The following INSR variants were observed in gnomAD, a reference collection of about 807,000 sequenced individuals.
The protein encoded by INSR is IR.
INSR carries 67 observed loss-of-function variants against 142.6 expected under a neutral mutation model. The ratio of observed to expected loss-of-function variants is 0.47; its 90% CI spans 0.39 to 0.58. The LOEUF (loss-of-function observed/expected upper bound fraction) is 0.58, where lower values mean the gene tolerates loss of function less well. Ranked by LOEUF, INSR falls within the 20% of genes least tolerant of loss-of-function variation. The pLI is 0.00. For synonymous variants in INSR, 756 were observed against 743.1 expected (o/e 1.02, Z -0.28); for missense variants, 1,248 against 1,833.2 (o/e 0.68, Z 5.83).
rs1599863540 is a variant in INSR at position 7,117,163 on chromosome 19, A to AGG, written c.4040_4041dup (p.Ser1348ProfsTer18). On this transcript the variant is annotated frameshift_variant, in exon 22 of 22. Transcript: ENST00000302850. LOFTEE classifies it low-confidence loss of function (END_TRUNC). Reference sequence around the variant, plus strand: ...TCGTAGCTCCGCTTGAAACCCAGCGAGGACCCTCCATCCCGGCCCCCCGCC... The same window carrying AGG: ...TCGTAGCTCCGCTTGAAACCCAGCGAGGGGACCCTCCATCCCGGCCCCCCGCC... The AGG allele has an allele frequency of 2.5e-6, 4 of 1,614,054 alleles. No homozygotes were observed. The East Asian group carries it at 8.9e-5, about 36-fold the overall frequency.
intron 9 of INSR, among the ~76,000 whole-genome samples, chr19:7,153,291 C>CACAACCA (rs1973472883): frequency 8.2e-4 from 2 of 2,438 alleles, no homozygotes; most frequent in East Asian, 3.8e-3. Context: ...ACACCACACA[C>CACAACCA]CGCACACACA....
chr19:7,267,432 T>C lies in INSR; in HGVS notation c.565A>G (p.Thr189Ala). ...GGGCAGTTGGTCTTGCCCTTCGCGGTACCCGGACAGATGTCTCCACACTCC... is the reference window on the plus strand; with the variant it reads ...GGGCAGTTGGTCTTGCCCTTCGCGGCACCCGGACAGATGTCTCCACACTCC... ...NEECGDICPG[T>A]AKGKTNCPAT... Residue 189 changes from threonine (T) to alanine (A), a missense_variant, in exon 2 of 22, where the codon ACC (threonine) becomes GCC (alanine). Physicochemically the swap from Thr to Ala is moderately conservative, Grantham distance 58. Transcript: ENST00000302850. This position sits in a 1 kb window ranked among gnomAD's most constrained non-coding sequence, Gnocchi z 6.3. 1.9e-6 allele frequency: 3 copies of C among 1,614,150 alleles called. No individual in the cohort carries two copies. Among genetic ancestry groups the C allele is most frequent in the Non-Finnish European group, 1.7e-6 (2 of 1,180,020 alleles).
chr19:7,284,598 G>T (rs564584410), intron 1 of INSR, among the ~76,000 whole-genome samples: 113 of 152,060 alleles, frequency 7.4e-4, no homozygotes, highest in African/African-American at 2.6e-3. Flanking sequence ...GCACAATCTC[G>T]GCTCACTGCA....
intron 2 of INSR, among the ~76,000 whole-genome samples, chr19:7,231,155 G>A (rs939999986): frequency 6.6e-6 from 1 of 152,190 alleles, no homozygotes; most frequent in Admixed American, 6.5e-5. Flanking sequence ...GGAGGAAACT[G>A]GAAAGGAGGG....
At chr19:7,245,714 G>A (rs1976520703) in intron 2 of INSR, among the ~76,000 whole-genome samples, 1 of 151,992 alleles carries the variant, frequency 6.6e-6, no homozygotes. Flanking sequence ...CCAAAATGCT[G>A]GGATTGCAGG....
At chr19:7,217,805 C>A (rs368639584) in intron 2 of INSR, among the ~76,000 whole-genome samples, 3 of 152,234 alleles carry the variant, frequency 2.0e-5, no homozygotes, top group Non-Finnish European at 4.4e-5. Flanking sequence ...GTGATCCACC[C>A]GCCTTGGCCT....
chr19:7,176,142 T>G (rs922575417), intron 3 of INSR, among the ~76,000 whole-genome samples: 1 of 152,170 alleles, frequency 6.6e-6, no homozygotes, highest in African/African-American at 2.4e-5. Context: ...TTTGGATCTG[T>G]GTCCCCACCC....
rs140614551 is a variant in INSR at position 7,199,342 on chromosome 19, G to T, written c.653-14705C>A. Among the ~76,000 whole-genome samples the T allele has an allele frequency of 2.6e-4, 40 of 152,190 alleles. No homozygotes were observed. The East Asian group carries it at 7.3e-3, about 28-fold the overall frequency. On this transcript the variant is annotated intron_variant, in intron 2 of 21. Coordinates refer to ENST00000302850, the MANE Select transcript of INSR (RefSeq NM_000208.4). ...AACTCGAATCCAGGTCTCCCAGAGA[G>T]ACCAGGAGAGGGTGTGGTATGGAGT... is the stretch of plus-strand genomic sequence containing the variant.
rs141185018 is a variant in INSR at position 7,262,313 on chromosome 19, A to G, written c.652+5032T>C. The stretch of plus-strand genomic sequence containing the variant: ...TGGTGAAACCCCATCTCTACTAAAA[A>G]TCCAAAACATTAACTGGGCGTGGTG... On this transcript the variant is annotated intron_variant, in intron 2 of 21. Transcript: ENST00000302850. Among the ~76,000 whole-genome samples the G allele has an allele frequency of 8.5e-3, 1,296 of 152,212 alleles. 9 individuals are homozygous for G. Among genetic ancestry groups the G allele is most frequent in the South Asian group, 0.019 (90 of 4,820 alleles).
rs556335139 is a variant in INSR, at chr19:7,114,146, A to T, written c.*2910T>A. Reference sequence around the variant, plus strand: ...CCCATCCCACTTGGAGAATTTAAAAAGACATTGCATTAGGTGTTTGTGTGT... The same window carrying T: ...CCCATCCCACTTGGAGAATTTAAAATGACATTGCATTAGGTGTTTGTGTGT... On this transcript the variant is annotated 3_prime_UTR_variant, in exon 22 of 22. Transcript: ENST00000302850. 4.6e-5 allele frequency: 7 copies of T among 152,224 alleles called. No individual in the cohort carries two copies. Among genetic ancestry groups the T allele is most frequent in the African/African-American group, 1.7e-4 (7 of 41,524 alleles). 9.4% of individuals were successfully genotyped at this position (152,224 alleles called of 1,614,324 possible).
intron 8 of INSR, among the ~76,000 whole-genome samples, chr19:7,165,866 G>GAA (rs200089915): frequency 2.9e-5 from 3 of 103,090 alleles, no homozygotes; most frequent in Admixed American, 1.1e-4. Context: ...TCATCTCAAA[G>GAA]AAAAAAAAAA....
intron 2 of INSR, among the ~76,000 whole-genome samples, chr19:7,244,952 T>TC (rs887269717): frequency 7.0e-6 from 1 of 142,046 alleles, no homozygotes; most frequent in Non-Finnish European, 1.5e-5. Flanking sequence ...TTTTTTTTTT[T>TC]CAAGATGGAG....
chr19:7,139,795 GC>G (rs1206899639), intron 13 of INSR, among the ~76,000 whole-genome samples: 3 of 149,382 alleles, frequency 2.0e-5, no homozygotes, highest in Non-Finnish European at 3.0e-5. Context: ...GCTGTGAAGG[GC>G]CACATATAGT....
rs1325377628 is a variant in INSR, at chr19:7,150,979, TTCTC to T, written c.2232-451_2232-448del. 2.0e-5 allele frequency among the ~76,000 whole-genome samples: 3 copies of T among 151,316 alleles called. No individual in the cohort carries two copies. Among genetic ancestry groups the T allele is most frequent in the Non-Finnish European group, 4.4e-5 (3 of 67,792 alleles). ...TTCCTTCTTTCCTCTTTTACTTTCT[TTCTC>T]TCTTTTTCCCTCTTTCCTTCCTTCA... On this transcript the variant is annotated intron_variant, in intron 10 of 21. Coordinates refer to ENST00000302850, the MANE Select transcript of INSR (RefSeq NM_000208.4). The surrounding 1 kb of genome is among the most constrained non-coding windows in gnomAD (Gnocchi z 4.2).
intron 6 of INSR, among the ~76,000 whole-genome samples, chr19:7,169,979 C>T (rs948848972): frequency 1.3e-5 from 2 of 152,200 alleles, no homozygotes; most frequent in African/African-American, 4.8e-5. Context: ...GCCACATTAT[C>T]TGGTTTGTGG....
At position 7,124,541 on chromosome 19, in the gene INSR, GAAAAAAAAAAAAAAAAAAAAAA is replaced by G. The variant is rs531613079; in HGVS notation, c.3258+720_3258+741del. The stretch of plus-strand genomic sequence containing the variant: ...ACAACAAAGCGAGACTCCGTTTCAG[GAAAAAAAAAAAAAAAAAAAAAA>G]AAAAAAAAAAAAAAAAAAAAAAAAA... On this transcript the variant is annotated intron_variant, in intron 17 of 21. Coordinates refer to ENST00000302850, the MANE Select transcript of INSR (RefSeq NM_000208.4). Among the ~76,000 whole-genome samples, 19 of 9,916 alleles carry G rather than the reference GAAAAAAAAAAAAAAAAAAAAAA, an allele frequency of 1.9e-3. 1 individual carries two copies. Among genetic ancestry groups the G allele is most frequent in the East Asian group, 4.5e-3 (1 of 222 alleles). 6.5% of individuals were successfully genotyped at this position (9,916 alleles called of 152,430 possible). A position where few individuals can be genotyped will look rare whatever the true frequency, so the allele number is the denominator to read the frequency against.
intron 6 of INSR, among the ~76,000 whole-genome samples, chr19:7,170,132 C>T (rs1487474746): frequency 6.6e-6 from 1 of 152,172 alleles, no homozygotes; most frequent in Non-Finnish European, 1.5e-5. Flanking sequence ...CTCCCCATCG[C>T]TTGCATGACC....
At chr19:7,217,587 C>G (rs1311969698) in intron 2 of INSR, among the ~76,000 whole-genome samples, 1 of 152,212 alleles carries the variant, frequency 6.6e-6, no homozygotes, top group Non-Finnish European at 1.5e-5. Flanking sequence ...GAGACGGAGT[C>G]TCGCTCTGTC....
intron 2 of INSR, among the ~76,000 whole-genome samples, chr19:7,241,530 G>A (rs2145151041): frequency 6.6e-6 from 1 of 152,192 alleles, no homozygotes; most frequent in Non-Finnish European, 1.5e-5. Context: ...GCTGAGGCAG[G>A]AGAATCACTT....
Sources: allele counts gnomAD v4.1 joint callset (sites outside exome capture counted in the v4.1 genomes callset), GRCh38; gene constraint gnomAD v4.1.1; non-coding constraint Gnocchi (gnomAD v3.1); transcripts MANE v1.5; gene names NCBI Gene and HGNC (gene_info 2026-07-23, HGNC 2026-07-21).